PLCB1: variants seen among roughly 807,000 people sequenced by gnomAD.
PLCB1 encodes phospholipase C beta 1, also known as 1-phosphatidylinositol 4,5-bisphosphate phosphodiesterase beta-1.
PLCB1 carries 46 observed loss-of-function variants against 161.8 expected under a neutral mutation model. That is an observed-to-expected ratio of 0.28 (90% CI 0.22 to 0.36). The LOEUF (loss-of-function observed/expected upper bound fraction) is 0.36. Among genes scored for constraint, PLCB1 ranks in the 10% least tolerant of loss-of-function variants. The pLI, the probability that PLCB1 is intolerant of heterozygous loss-of-function variation, is 1.00. For synonymous variants in PLCB1, 517 were observed against 503.7 expected, an observed-to-expected ratio of 1.03 and a Z score of -0.35; for missense variants, 1,016 against 1,472.5, an observed-to-expected ratio of 0.69 and a Z score of 5.07.
At position 8,574,545 on chromosome 20, in the gene PLCB1, A is replaced by G. The variant is rs749713052; in HGVS notation, c.247-53749A>G. On this transcript the variant is annotated intron_variant, in intron 3 of 31. Transcript: ENST00000338037. ...GGTCCTGAGTCAAGGACTTGAATGAAAATCGTTTATTTTGAAGAAGTTCCC... is the reference window on the plus strand; with the variant it reads ...GGTCCTGAGTCAAGGACTTGAATGAGAATCGTTTATTTTGAAGAAGTTCCC... 2.2e-4 allele frequency among the ~76,000 whole-genome samples: 33 copies of G among 152,248 alleles called. 1 individual carries two copies. Among genetic ancestry groups the G allele is most frequent in the Non-Finnish European group, 4.0e-4 (27 of 68,046 alleles).
At chr20:8,498,722 T>G (rs1249960444) in intron 3 of PLCB1, among the ~76,000 whole-genome samples, 2 of 152,220 alleles carry the variant, frequency 1.3e-5, no homozygotes, top group Non-Finnish European at 2.9e-5. Context: ...CAACTCTTTG[T>G]TTAGGCTCAT....
intron 2 of PLCB1, among the ~76,000 whole-genome samples, chr20:8,369,894 C>G (rs910381131): frequency 2.0e-5 from 3 of 152,138 alleles, no homozygotes; most frequent in Non-Finnish European, 2.9e-5. Flanking sequence ...TTTAATTTGG[C>G]CTTTACTACA....
intron 3 of PLCB1, among the ~76,000 whole-genome samples, chr20:8,509,646 C>A (rs1258434399): frequency 6.6e-6 from 1 of 151,348 alleles, no homozygotes; most frequent in East Asian, 1.9e-4. Context: ...AAAGAGAGGT[C>A]AGTTAAAAAA....
At chr20:8,433,925 C>T (rs1432628531) in intron 3 of PLCB1, among the ~76,000 whole-genome samples, 1 of 151,624 alleles carries the variant, frequency 6.6e-6, no homozygotes, top group Non-Finnish European at 1.5e-5. Context: ...TAGTACATTT[C>T]TTTCTATTAA....
chr20:8,733,781 A>C (rs1422002865), intron 19 of PLCB1, among the ~76,000 whole-genome samples: 2 of 96,850 alleles, frequency 2.1e-5, no homozygotes, highest in African/African-American at 4.6e-5. Context: ...CTAAAACTTA[A>C]AGTATAATAA....
chr20:8,695,375 A>C (rs1027558674), intron 10 of PLCB1, among the ~76,000 whole-genome samples: 1 of 152,222 alleles, frequency 6.6e-6, no homozygotes, highest in Non-Finnish European at 1.5e-5. Context: ...AACAGTTTGC[A>C]TCAATATGCC....
intron 2 of PLCB1, among the ~76,000 whole-genome samples, chr20:8,365,133 A>C (rs1179997483): frequency 6.6e-6 from 1 of 152,210 alleles, no homozygotes; most frequent in African/African-American, 2.4e-5. Flanking sequence ...TTGGTTTAGC[A>C]GCAGCCGAAC....
chr20:8,438,379 A>G (rs1980403608), intron 3 of PLCB1, among the ~76,000 whole-genome samples: 1 of 152,204 alleles, frequency 6.6e-6, no homozygotes, highest in African/African-American at 2.4e-5. Context: ...TTTTAGACAT[A>G]GCGCAAAACC....
At chr20:8,792,767 A>C in intron 31 of PLCB1, 1 of 384,914 alleles carries the variant, frequency 2.6e-6, no homozygotes, top group Non-Finnish European at 5.1e-6. Context: ...TTTTATTAAT[A>C]AAATAATAAA....
At chr20:8,684,872 A>T in intron 9 of PLCB1, 60 bp from the exon 10 acceptor site, 25 of 1,247,996 alleles carry the variant, frequency 2.0e-5, no homozygotes, top group Non-Finnish European at 2.5e-5. Flanking sequence ...AAAAAAAAAG[A>T]GGCGACTTGA....
At chr20:8,845,394 T>C (rs909140038) in intron 31 of PLCB1, among the ~76,000 whole-genome samples, 2 of 152,220 alleles carry the variant, frequency 1.3e-5, no homozygotes, top group Admixed American at 6.5e-5. Context: ...AAATGTTCTT[T>C]CTGTATTTTC....
At chr20:8,725,047 T>A (rs1232482887) in intron 16 of PLCB1, among the ~76,000 whole-genome samples, 1 of 152,110 alleles carries the variant, frequency 6.6e-6, no homozygotes, top group Non-Finnish European at 1.5e-5. Context: ...GTACAACTAA[T>A]TGGGAATTGT....
At chr20:8,547,181 ACT>A in intron 3 of PLCB1, among the ~76,000 whole-genome samples, 1 of 73,430 alleles carries the variant, frequency 1.4e-5, no homozygotes, top group Non-Finnish European at 3.9e-5. Context: ...TCTTCAGGCT[ACT>A]AAGCATCAAG....
intron 3 of PLCB1, among the ~76,000 whole-genome samples, chr20:8,382,894 C>T (rs1476320727): frequency 6.6e-6 from 1 of 152,140 alleles, no homozygotes; most frequent in African/African-American, 2.4e-5. Context: ...GCACTGTGGT[C>T]TGACAGACTG....
At chr20:8,218,327 G>T (rs1178519038) in intron 2 of PLCB1, among the ~76,000 whole-genome samples, 1 of 152,120 alleles carries the variant, frequency 6.6e-6, no homozygotes, top group Non-Finnish European at 1.5e-5. Flanking sequence ...TCAGAGTTCA[G>T]ATAGGTCATA....
At chr20:8,542,246 CG>C (rs1568500699) in intron 3 of PLCB1, among the ~76,000 whole-genome samples, 1 of 152,128 alleles carries the variant, frequency 6.6e-6, no homozygotes, top group Non-Finnish European at 1.5e-5. Context: ...ACTAGTGCCT[CG>C]GGCATTCCTG....
At chr20:8,260,634 T>C (rs899654962) in intron 2 of PLCB1, among the ~76,000 whole-genome samples, 4 of 152,040 alleles carry the variant, frequency 2.6e-5, no homozygotes, top group African/African-American at 9.7e-5. Flanking sequence ...AAATCCTAGC[T>C]TAGATAAGCT....
intron 31 of PLCB1, among the ~76,000 whole-genome samples, chr20:8,845,046 G>A (rs1240908939): frequency 2.6e-5 from 4 of 152,034 alleles, no homozygotes; most frequent in Non-Finnish European, 4.4e-5. Flanking sequence ...CCCGGGATGG[G>A]GAGCTTGCAG....
chr20:8,622,978 A>G (rs1988227528), intron 3 of PLCB1, among the ~76,000 whole-genome samples: 1 of 152,026 alleles, frequency 6.6e-6, no homozygotes, highest in South Asian at 2.1e-4. Flanking sequence ...TCTGAGCCCA[A>G]TTTTCTTGGT....
Sources: allele counts gnomAD v4.1 joint callset (sites outside exome capture counted in the v4.1 genomes callset), GRCh38; gene constraint gnomAD v4.1.1; transcripts MANE v1.5; gene names NCBI Gene and HGNC (gene_info 2026-07-23, HGNC 2026-07-21).